MED16: variants seen among roughly 807,000 people sequenced by gnomAD.
MED16 encodes the protein mediator complex subunit 16.
In MED16, 81 loss-of-function variants were observed where a neutral mutation model predicts 84.4. That is an observed-to-expected ratio of 0.96 (90% confidence interval 0.80 to 1.15). The LOEUF (loss-of-function observed/expected upper bound fraction) is 1.15. MED16 is among the 50% of genes most tolerant of loss of function. The pLI, the probability that MED16 is intolerant of heterozygous loss-of-function variation, is 0.00. For synonymous variants in MED16, 897 were observed against 552.2 expected, an observed-to-expected ratio of 1.62 and a Z score of -8.76; for missense variants, 1,585 against 1,245.9, an observed-to-expected ratio of 1.27 and a Z score of -4.10.
intron 4 of MED16, among the ~76,000 whole-genome samples, chr19:889,221 G>T (rs1426492622): frequency 6.6e-6 from 1 of 151,800 alleles, no homozygotes; most frequent in Non-Finnish European, 1.5e-5. Flanking sequence ...TCTTACCTGT[G>T]GGGCCGAATC....
chr19:886,026 C>T lies in MED16; in HGVS notation c.623G>A (p.Arg208Gln). 2 of 1,598,944 alleles carry T rather than the reference C, an allele frequency of 1.3e-6. No homozygotes were observed. The highest frequency in any genetic ancestry group is 1.3e-5 in the African/African-American group (1 of 74,796). ...QVLTSTESLC[R>Q]LRGRVALADI... ...GGCCAGGGCCACGCGGCCGCGCAGC[C>T]GGCACAGGCTCTCGGTGGACGTCAG... Residue 208 changes from arginine (R) to glutamine (Q), a missense_variant, in exon 5 of 16, where the codon CGG becomes CAG. Arg to Gln is a conservative substitution (Grantham distance 43). Transcript: ENST00000325464.
In MED16 at chr19:890,163, A is replaced by G; in HGVS notation, c.251T>C (p.Ile84Thr). ...TGACTGGTCCCACTCCAGGCAGGTG[A>G]TGGCCTCGTGGTGCTCTGAGGGGAT... The part of the protein sequence containing the change: ...HSIPSEHHEA[I>T]TCLEWDQSGS... Residue 84 changes from isoleucine (I) to threonine (T), a missense_variant, in exon 3 of 16, where the codon ATC becomes ACC. Physicochemically the swap from Ile to Thr is moderately conservative, Grantham distance 89. Transcript: ENST00000325464. 1 of 1,551,288 alleles carries G rather than the reference A, an allele frequency of 6.4e-7. No individual in the cohort carries two copies. Among genetic ancestry groups the G allele is most frequent in the Admixed American group, 2.0e-5 (1 of 50,950 alleles).
intron 10 of MED16, among the ~76,000 whole-genome samples, chr19:874,941 T>C (rs892473472): frequency 1.3e-5 from 2 of 151,712 alleles, no homozygotes; most frequent in African/African-American, 4.8e-5. Context: ...GGCGGGCGGA[T>C]CATTTGAGGT....
chr19:885,152 T>C, intron 5 of MED16, 144 bp from the exon 6 acceptor site: 1 of 632,648 alleles, frequency 1.6e-6, no homozygotes, highest in Non-Finnish European at 2.8e-6. Context: ...CCTCCTGGAT[T>C]CCAGCCCAGG....
intron 2 of MED16, 47 bp downstream of exon 2, chr19:890,916 G>T: frequency 6.3e-7 from 1 of 1,593,920 alleles, no homozygotes. Context: ...GGAACAGGGC[G>T]GGACACCATG....
In MED16 at chr19:881,578, T is replaced by C. The variant is rs1259415611; in HGVS notation, c.1122A>G (p.Thr374=). ...TNTDLKVASD[T]QFYPGLGLAL... ...CCGTACCGAGGCCAGGGTAGAACTGTGTGTCGCTGGCCACCTTGAGGTCGG... is the reference window on the plus strand; with the variant it reads ...CCGTACCGAGGCCAGGGTAGAACTGCGTGTCGCTGGCCACCTTGAGGTCGG... Residue 374 remains threonine (T), a synonymous_variant, in exon 7 of 16, where the codon ACA becomes ACG. Coordinates refer to ENST00000325464, the MANE Select transcript of MED16 (RefSeq NM_005481.3). 4 of 1,612,184 alleles carry C rather than the reference T, an allele frequency of 2.5e-6. No individual in the cohort carries two copies. The highest frequency in any genetic ancestry group is 1.3e-5 in the African/African-American group (1 of 74,904).
At chr19:871,386 C>T (rs1242492060) in intron 12 of MED16, 133 bp from the exon 13 acceptor site, 18 of 1,307,986 alleles carry the variant, frequency 1.4e-5, no homozygotes, top group African/African-American at 5.9e-5. Context: ...GGCTGGGTGA[C>T]CCCGGGGTTC....
chr19:868,858 C>A lies in MED16; in HGVS notation c.2399+5G>T, dbSNP rs998331914. ...TGGGAGTCAGCGGTTCCGGGGGCCC[C>A]TCACCTGGTGCAGGCCTTGCATTCC... On this transcript the variant is annotated splice_donor_5th_base_variant and intron_variant, in intron 14 of 15. Transcript: ENST00000325464. 6.5e-7 allele frequency: 1 copy of A among 1,547,216 alleles called. No individual in the cohort carries two copies. Among genetic ancestry groups the A allele is most frequent in the South Asian group, 1.2e-5 (1 of 84,118 alleles).
In MED16 at chr19:868,340, G is replaced by A. The variant is rs143625341; in HGVS notation, c.2483+76C>T. On this transcript the variant is annotated intron_variant, in intron 15 of 15. Transcript: ENST00000325464. Reference sequence around the variant, plus strand: ...CAGCCGGGCTCAGGGGCAGCTGAGGGGTAGCTGAGGAGTAGCTGAGGGGCA... The same window carrying A: ...CAGCCGGGCTCAGGGGCAGCTGAGGAGTAGCTGAGGAGTAGCTGAGGGGCA... The A allele has an allele frequency of 8.0e-5, 128 of 1,591,142 alleles. No homozygotes were observed. In the African/African-American group the frequency reaches 9.9e-4, roughly 12 times the overall value.
intron 13 of MED16, among the ~76,000 whole-genome samples, chr19:870,676 T>A (rs531877553): frequency 6.7e-6 from 1 of 150,150 alleles, no homozygotes; most frequent in East Asian, 2.0e-4. Flanking sequence ...TAGGGGCACC[T>A]AGAAGGAAGC....
chr19:889,452 C>A (rs1252640608), intron 4 of MED16, among the ~76,000 whole-genome samples, 186 bp downstream of exon 4: 1 of 152,132 alleles, frequency 6.6e-6, no homozygotes, highest in East Asian at 1.9e-4. Flanking sequence ...AGTGAACAGC[C>A]ACCCTCAGTT....
At chr19:884,865 G>T in intron 6 of MED16, 38 bp downstream of exon 6, 1 of 1,532,210 alleles carries the variant, frequency 6.5e-7, no homozygotes, top group Non-Finnish European at 8.9e-7. Flanking sequence ...CGCCCCCGAG[G>T]GCAGGCCCAG....
intron 15 of MED16, 41 bp from the exon 16 acceptor site, chr19:868,292 A>G: frequency 6.3e-7 from 1 of 1,587,846 alleles, no homozygotes; most frequent in Non-Finnish European, 8.5e-7. Context: ...AGGAGAGTCC[A>G]GGGCGAGCGG....
At chr19:890,633 A>C (rs1033854204) in intron 2 of MED16, among the ~76,000 whole-genome samples, 2 of 152,220 alleles carry the variant, frequency 1.3e-5, no homozygotes, top group Non-Finnish European at 2.9e-5. Flanking sequence ...GGGCACAGCC[A>C]CCACGCACCT....
At chr19:877,327 T>A in intron 8 of MED16, 147 bp from the exon 9 acceptor site, 1 of 735,034 alleles carries the variant, frequency 1.4e-6, no homozygotes, top group Non-Finnish European at 2.2e-6. Context: ...CATGTGTCTG[T>A]AGCGTCTGTA....
At chr19:889,862 T>C (rs985171386) in intron 3 of MED16, 55 bp from the exon 4 acceptor site, 158 of 1,543,960 alleles carry the variant, frequency 1.0e-4, no homozygotes, top group African/African-American at 5.4e-5. Context: ...GAGCACTGCG[T>C]TGCAGGACGG....
intron 1 of MED16, chr19:892,659 CCAGGCCCCGCACCGA>C (rs2036660920): frequency 1.7e-5 from 1 of 57,550 alleles, no homozygotes; most frequent in Admixed American, 1.4e-4. Flanking sequence ...TATTCCCTCT[CCAGGCCCCGCACCGA>C]TAACCCCGCA....
chr19:878,622 ACAACCC>A (rs2036329056), intron 8 of MED16, among the ~76,000 whole-genome samples: 1 of 4,620 alleles, frequency 2.2e-4, no homozygotes, highest in East Asian at 5.2e-3. Flanking sequence ...CCCACCAGCC[ACAACCC>A]CAGCCCCACG....
intron 8 of MED16, among the ~76,000 whole-genome samples, chr19:879,486 C>G (rs2036360416): frequency 7.0e-6 from 1 of 143,778 alleles, no homozygotes; most frequent in African/African-American, 2.6e-5. Context: ...CCCACCAGCC[C>G]CAGCCCCACG....
Sources: gnomAD v4.1 joint callset for allele counts (sites outside exome capture counted in the v4.1 genomes callset) on GRCh38, gnomAD v4.1.1 for gene constraint, MANE v1.5 for transcripts, NCBI Gene and HGNC (gene_info 2026-07-23, HGNC 2026-07-21) for gene names.